Variants in LRPPRC observed in about 807,000 individuals in gnomAD.
The protein encoded by LRPPRC is leucine rich pentatricopeptide repeat containing, also known as leucine-rich PPR motif-containing protein, mitochondrial.
Under a neutral mutation model 180.3 loss-of-function variants are expected in LRPPRC, and 120 were observed. The observed-to-expected ratio is 0.67, with a 90% confidence interval of 0.57 to 0.77. The LOEUF (loss-of-function observed/expected upper bound fraction) is 0.77, where lower values mean the gene tolerates loss of function less well. Ranked by LOEUF, LRPPRC falls within the 30% of genes least tolerant of loss-of-function variation. LRPPRC has a pLI of 0.00. For synonymous variants in LRPPRC, 723 were observed against 600.0 expected (o/e 1.21, Z -3.00); for missense variants, 2,012 against 1,657.2 (o/e 1.21, Z -3.72).
intron 1 of LRPPRC, among the ~76,000 whole-genome samples, chr2:43,994,009 A>T (rs1674905813): frequency 6.6e-6 from 1 of 152,102 alleles, no homozygotes; most frequent in Admixed American, 6.5e-5. Flanking sequence ...GAACACCGAG[A>T]CCACCCTTTC....
chr2:43,943,612 T>C (rs1327692124), intron 23 of LRPPRC, 75 bp downstream of exon 23: 4 of 1,235,700 alleles, frequency 3.2e-6, no homozygotes, highest in African/African-American at 3.0e-5. Context: ...AGGGTATTTA[T>C]AAAGTATAAT....
At chr2:43,975,609 G>C (rs1001749852) in intron 6 of LRPPRC, among the ~76,000 whole-genome samples, 4 of 150,642 alleles carry the variant, frequency 2.7e-5, no homozygotes, top group African/African-American at 7.3e-5. Flanking sequence ...TTGAGATGGA[G>C]TCTTGCTCTG....
chr2:43,894,510 A>C, intron 36 of LRPPRC, 35 bp downstream of exon 36: 1 of 1,011,690 alleles, frequency 9.9e-7, no homozygotes, highest in South Asian at 1.3e-5. Flanking sequence ...AAAGCCATTT[A>C]AATAAATAAT....
chr2:43,918,980 G>C (rs1671595890), intron 27 of LRPPRC, among the ~76,000 whole-genome samples: 1 of 151,886 alleles, frequency 6.6e-6, no homozygotes, highest in Non-Finnish European at 1.5e-5. Flanking sequence ...ATATATCTAT[G>C]ATCTTTGCAA....
At chr2:43,974,784 G>C in intron 7 of LRPPRC, 26 bp from the exon 8 acceptor site, 1 of 1,607,468 alleles carries the variant, frequency 6.2e-7, no homozygotes. Flanking sequence ...GAAATTAGAA[G>C]ACAAAGTTAG....
intron 23 of LRPPRC, among the ~76,000 whole-genome samples, chr2:43,937,399 G>A (rs1181226699): frequency 6.6e-6 from 1 of 151,986 alleles, no homozygotes; most frequent in African/African-American, 2.4e-5. Flanking sequence ...TATCTAATTC[G>A]GACTTGTGGT....
rs1318541658 is a variant in LRPPRC at position 43,974,207 on chromosome 2, T to C, written c.1098A>G (p.Glu366=). ...QILLACPVSK[E]DGPSVFGSFF... The stretch of plus-strand genomic sequence containing the variant: ...AACTGCCAAAGACACTTGGGCCATC[T>C]TCCTTTGATACGGGGCATGCTAGTA... The change falls in exon 9 of 38, where the codon GAA becomes GAG. Residue 366 remains glutamate (E), a synonymous_variant. Transcript: ENST00000260665. 6.2e-7 allele frequency: 1 copy of C among 1,612,922 alleles called. No homozygotes were observed. Among genetic ancestry groups the C allele is most frequent in the South Asian group, 1.1e-5 (1 of 91,062 alleles).
chr2:43,918,878 T>C (rs552375526), intron 27 of LRPPRC, among the ~76,000 whole-genome samples: 20 of 149,920 alleles, frequency 1.3e-4, no homozygotes, highest in African/African-American at 4.9e-4. Context: ...GATAGATAGA[T>C]ATATGGCATA....
At chr2:43,908,175 G>A (rs13387221) in intron 30 of LRPPRC, among the ~76,000 whole-genome samples, 32,566 of 152,046 alleles carry the variant, frequency 0.21, 3,770 homozygotes, top group East Asian at 0.46. Flanking sequence ...AGATAAAGTA[G>A]GGTTGTTGTT....
rs1374032865 is a variant in LRPPRC at position 43,946,099 on chromosome 2, G to T, written c.2210+14C>A. The T allele has an allele frequency of 6.2e-7, 1 of 1,611,394 alleles. No individual in the cohort carries two copies. The highest frequency in any genetic ancestry group is 1.3e-5 in the African/African-American group (1 of 74,844). On this transcript the variant is annotated intron_variant, in intron 21 of 37. Transcript: ENST00000260665. ...ATAAATGTTGACAACTTGTTTCAGT[G>T]CCAGGGTACTCACAATTCTTCTTTC...
chr2:43,937,808 G>A (rs972566200), intron 23 of LRPPRC, among the ~76,000 whole-genome samples: 1 of 152,094 alleles, frequency 6.6e-6, no homozygotes, highest in African/African-American at 2.4e-5. Flanking sequence ...CTTTTATTAG[G>A]CAGGATGAAA....
Position 43,973,787 on chromosome 2 carries a change from T to G in LRPPRC, c.1261+8A>C. 1 of 1,609,504 alleles carries G rather than the reference T, an allele frequency of 6.2e-7. No homozygotes were observed. The highest frequency in any genetic ancestry group is 8.5e-7 in the Non-Finnish European group (1 of 1,175,776). On this transcript the variant is annotated splice_region_variant and intron_variant, in intron 10 of 37. Coordinates refer to ENST00000260665, the MANE Select transcript of LRPPRC (RefSeq NM_133259.4). ...CCTTACTTGGCTTTAACTTTAAGAA[T>G]GTAGTACCAGTTTTATTGGCGAGTA...
chr2:43,953,442 A>G (rs1471200579), intron 14 of LRPPRC, among the ~76,000 whole-genome samples: 1 of 152,242 alleles, frequency 6.6e-6, no homozygotes, highest in East Asian at 1.9e-4. Flanking sequence ...TACTATGTCA[A>G]GAATAAAGAC....
At position 43,976,709 on chromosome 2, in the gene LRPPRC, TA is replaced by T. The variant is rs113055483; in HGVS notation, c.650+284del. ...AAGAACATTTCCCTTAGGAAATATT[TA>T]AAAAAAAAAAAAAAAAAGCAAAGTC... On this transcript the variant is annotated intron_variant, in intron 5 of 37. Transcript: ENST00000260665. 3.4e-3 allele frequency among the ~76,000 whole-genome samples: 457 copies of T among 134,782 alleles called. 5 individuals carry two copies. In the East Asian group the frequency reaches 0.045, roughly 13 times the overall value. The allele number at this position is 134,782 out of a possible 152,430, so 88.4% of individuals were successfully genotyped here.
intron 2 of LRPPRC, among the ~76,000 whole-genome samples, chr2:43,980,545 C>T (rs545132258): frequency 1.7e-5 from 2 of 119,148 alleles, no homozygotes; most frequent in African/African-American, 7.2e-5. Context: ...AAGATCAAGA[C>T]TCTGTTTCAA....
At chr2:43,889,605 C>A (rs1652926657) in intron 37 of LRPPRC, 129 bp downstream of exon 37, 2 of 816,046 alleles carry the variant, frequency 2.5e-6, no homozygotes, top group African/African-American at 1.7e-5. Context: ...CTCAAGCCAT[C>A]CCCTGAGGGC....
chr2:43,896,609 T>C, intron 35 of LRPPRC, 25 bp downstream of exon 35: 1 of 1,444,146 alleles, frequency 6.9e-7, no homozygotes, highest in Non-Finnish European at 9.7e-7. Context: ...GTATCATTGA[T>C]TTGTAAGCAG....
At chr2:43,894,926 A>T (rs1350214315) in intron 35 of LRPPRC, among the ~76,000 whole-genome samples, 2 of 152,228 alleles carry the variant, frequency 1.3e-5, no homozygotes, top group African/African-American at 4.8e-5. Flanking sequence ...CATACCAAGA[A>T]GTTATGAGAT....
intron 1 of LRPPRC, among the ~76,000 whole-genome samples, chr2:43,991,212 G>C (rs757792878): frequency 1.3e-5 from 2 of 151,846 alleles, no homozygotes; most frequent in African/African-American, 2.4e-5. Context: ...TGTATTTTTA[G>C]TAAGAGACAG....
Sources: gnomAD v4.1 joint callset for allele counts (sites outside exome capture counted in the v4.1 genomes callset) on GRCh38, gnomAD v4.1.1 for gene constraint, MANE v1.5 for transcripts, NCBI Gene and HGNC (gene_info 2026-07-23, HGNC 2026-07-21) for gene names.